The following MDGA2 variants were observed in gnomAD, a reference collection of about 807,000 sequenced individuals.
The protein encoded by MDGA2 is MAM domain-containing glycosylphosphatidylinositol anchor protein 2.
In MDGA2, 40 loss-of-function variants were observed where a neutral mutation model predicts 117.8. The observed-to-expected ratio is 0.34, with a 90% CI of 0.26 to 0.44. The LOEUF (loss-of-function observed/expected upper bound fraction) is 0.44. Ranked by LOEUF, MDGA2 falls within the 20% of genes least tolerant of loss-of-function variation. The pLI, the probability that MDGA2 is intolerant of heterozygous loss-of-function variation, is 1.00. For synonymous variants in MDGA2, 452 were observed against 439.0 expected (o/e 1.03, Z -0.37); for missense variants, 1,123 against 1,250.6 (o/e 0.90, Z 1.54).
chr14:47,593,446 C>G (rs1313298801), intron 1 of MDGA2, among the ~76,000 whole-genome samples: 1 of 152,042 alleles, frequency 6.6e-6, no homozygotes, highest in Non-Finnish European at 1.5e-5. Context: ...TCACGCCACG[C>G]TATTCACATT....
At chr14:46,929,613 A>T (rs1237580735) in intron 9 of MDGA2, among the ~76,000 whole-genome samples, 1 of 15,338 alleles carries the variant, frequency 6.5e-5, no homozygotes, top group Non-Finnish European at 1.2e-4. Context: ...ATATATATAT[A>T]TATATATATA....
intron 1 of MDGA2, among the ~76,000 whole-genome samples, chr14:47,512,982 T>A (rs868034756): frequency 6.6e-6 from 1 of 151,782 alleles, no homozygotes; most frequent in Admixed American, 6.5e-5. Flanking sequence ...AGTTAGTTAT[T>A]GTATTATTTA....
Position 47,035,263 on chromosome 14 carries a change from C to T in MDGA2, c.1567G>A (p.Val523Ile). ...TCTATTGTGTCTCCTTCTCTGGTGA[C>T]CAATGGTGATTTTTCCTGTGGAACA... ...LTVPQEKSPL[V>I]TREGDTIELQ... The change falls in exon 8 of 17, where the codon GTC becomes ATC. Residue 523 changes from valine to isoleucine, a missense_variant. Around this residue, in one of 2 missense-constraint regions of MDGA2, gnomAD observed 890 missense variants for 1,050.3 expected, o/e 0.85. Transcript: ENST00000399232. The T allele has an allele frequency of 6.2e-7, 1 of 1,613,926 alleles. No individual in the cohort carries two copies. The highest frequency in any genetic ancestry group is 8.5e-7 in the Non-Finnish European group (1 of 1,179,928).
At chr14:47,185,618 G>C (rs34981598) in intron 3 of MDGA2, among the ~76,000 whole-genome samples, 567 of 151,620 alleles carry the variant, frequency 3.7e-3, no homozygotes, top group Non-Finnish European at 4.9e-3. Context: ...AATTTACAGA[G>C]AATGTTTACC....
At chr14:47,381,712 G>C (rs1891632255) in intron 1 of MDGA2, among the ~76,000 whole-genome samples, 1 of 152,068 alleles carries the variant, frequency 6.6e-6, no homozygotes, top group South Asian at 2.1e-4. Flanking sequence ...AAATAAAAGA[G>C]GACACAAACA....
chr14:47,667,342 G>A (rs990552668), intron 1 of MDGA2, among the ~76,000 whole-genome samples: 5 of 152,100 alleles, frequency 3.3e-5, no homozygotes, highest in South Asian at 2.1e-4. Flanking sequence ...AGTAAAAGAC[G>A]GAATGCTCCA....
At chr14:47,249,050 G>A (rs766837996) in intron 2 of MDGA2, among the ~76,000 whole-genome samples, 3 of 141,270 alleles carry the variant, frequency 2.1e-5, no homozygotes, top group Middle Eastern at 3.8e-3. Context: ...ATGGAGTCTC[G>A]CTCTGTCACC....
chr14:47,185,680 C>T (rs1254426461), intron 3 of MDGA2, among the ~76,000 whole-genome samples: 1 of 151,422 alleles, frequency 6.6e-6, no homozygotes, highest in Non-Finnish European at 1.5e-5. Flanking sequence ...ATAATCTTAA[C>T]CATAAAACTG....
chr14:47,106,457 T>G (rs61992546), intron 5 of MDGA2, among the ~76,000 whole-genome samples: 2 of 150,792 alleles, frequency 1.3e-5, no homozygotes, highest in South Asian at 2.1e-4. Context: ...GCTTGCTACA[T>G]GTGCCGGAAA....
At chr14:47,278,088 T>C (rs1295426232) in intron 2 of MDGA2, among the ~76,000 whole-genome samples, 1 of 152,040 alleles carries the variant, frequency 6.6e-6, no homozygotes, top group Non-Finnish European at 1.5e-5. Context: ...AAAATTTCCA[T>C]GGCTGCAAGA....
intron 3 of MDGA2, among the ~76,000 whole-genome samples, chr14:47,168,829 C>T (rs1883999024): frequency 1.3e-5 from 2 of 152,010 alleles, no homozygotes; most frequent in Non-Finnish European, 2.9e-5. Context: ...GAAATTCTGC[C>T]TTCAAGACAC....
At chr14:47,554,328 G>T (rs565575761) in intron 1 of MDGA2, among the ~76,000 whole-genome samples, 272 of 152,236 alleles carry the variant, frequency 1.8e-3, no homozygotes, top group Middle Eastern at 3.4e-3. Context: ...TTTTTGAAAT[G>T]CATGTTTGTT....
chr14:47,068,304 G>A (rs772478256), intron 6 of MDGA2, among the ~76,000 whole-genome samples: 1 of 150,766 alleles, frequency 6.6e-6, no homozygotes, highest in Admixed American at 6.6e-5. Context: ...CTCTTTTTGG[G>A]GTAAATTCTT....
intron 5 of MDGA2, among the ~76,000 whole-genome samples, chr14:47,113,016 T>G (rs2139064392): frequency 6.6e-6 from 1 of 152,318 alleles, no homozygotes; most frequent in Non-Finnish European, 1.5e-5. Flanking sequence ...TTTTCTCATA[T>G]GCTTGTTGCC....
intron 8 of MDGA2, among the ~76,000 whole-genome samples, chr14:46,980,324 T>C (rs929304644): frequency 6.6e-5 from 10 of 152,286 alleles, no homozygotes; most frequent in Admixed American, 5.9e-4. Flanking sequence ...AGCCTGAAGA[T>C]GTGACTGAAC....
chr14:47,326,983 G>C (rs1279856225), intron 1 of MDGA2, among the ~76,000 whole-genome samples: 2 of 152,136 alleles, frequency 1.3e-5, no homozygotes, highest in Non-Finnish European at 2.9e-5. Flanking sequence ...GGAGAGGATG[G>C]AGTTGAGAAA....
intron 9 of MDGA2, among the ~76,000 whole-genome samples, chr14:46,947,227 C>A (rs529546555): frequency 6.6e-6 from 1 of 151,926 alleles, no homozygotes; most frequent in Non-Finnish European, 1.5e-5. Context: ...ATTACTTTTT[C>A]TTTAATATTT....
intron 8 of MDGA2, among the ~76,000 whole-genome samples, chr14:46,957,980 G>T (rs2138258511): frequency 6.6e-6 from 1 of 152,080 alleles, no homozygotes; most frequent in Admixed American, 6.5e-5. Context: ...TTTGTTTGGG[G>T]TCCTTTGTCT....
chr14:46,955,499 C>G (rs913665618), intron 9 of MDGA2, among the ~76,000 whole-genome samples: 5 of 152,116 alleles, frequency 3.3e-5, no homozygotes, highest in African/African-American at 7.2e-5. Context: ...AGGCTCATCA[C>G]AGTTTCCAAA....
Sources: gnomAD v4.1 joint callset for allele counts (sites outside exome capture counted in the v4.1 genomes callset) on GRCh38, gnomAD v4.1.1 for gene constraint, gnomAD v4.1.1 regional missense constraint, MANE v1.5 for transcripts, NCBI Gene and HGNC (gene_info 2026-07-23, HGNC 2026-07-21) for gene names.